The following ITGA6 variants were observed in gnomAD, a reference collection of about 807,000 sequenced individuals.
ITGA6 encodes integrin alpha-6.
In ITGA6, 63 loss-of-function variants were observed where a neutral mutation model predicts 133.6. The observed-to-expected ratio is 0.47, with a 90% confidence interval of 0.38 to 0.58. The LOEUF is 0.58. ITGA6 is among the 20% of genes least tolerant of loss of function. The pLI is 0.00. For synonymous variants in ITGA6, 434 were observed against 482.0 expected, an observed-to-expected ratio of 0.90 and a Z score of 1.30; for missense variants, 1,068 against 1,309.4, an observed-to-expected ratio of 0.82 and a Z score of 2.85.
chr2:172,428,667 A>G (rs1683980311), intron 1 of ITGA6: 1 of 151,764 alleles, frequency 6.6e-6, no homozygotes, highest in African/African-American at 2.4e-5. Context: ...ACTCGGCCGC[A>G]CCCGAGACCC....
At chr2:172,466,190 A>G (rs1397326703) in intron 2 of ITGA6, among the ~76,000 whole-genome samples, 1 of 152,212 alleles carries the variant, frequency 6.6e-6, no homozygotes, top group African/African-American at 2.4e-5. Context: ...CATCCAGTGT[A>G]CCTGGCTTCT....
chr2:172,499,324 C>T (rs1687256541), intron 24 of ITGA6, among the ~76,000 whole-genome samples: 2 of 151,858 alleles, frequency 1.3e-5, no homozygotes, highest in African/African-American at 4.8e-5. Flanking sequence ...CACACACAGC[C>T]AGTCAATATA....
rs578228064 is a variant in ITGA6 at position 172,473,672 on chromosome 2, G to A, written c.776-383G>A. On this transcript the variant is annotated intron_variant, in intron 5 of 25. Coordinates refer to ENST00000684293, the MANE Select transcript of ITGA6 (RefSeq NM_000210.4). ...CTTCCAGTCAGGTTATATATTCTCT[G>A]TGTATATGATGTAACATAACCAAAT... Among the ~76,000 whole-genome samples the A allele has an allele frequency of 3.3e-5, 5 of 152,250 alleles. 1 individual carries two copies. In the South Asian group the frequency reaches 1.0e-3, roughly 32 times the overall value.
At chr2:172,456,226 T>G (rs537208160) in intron 1 of ITGA6, among the ~76,000 whole-genome samples, 18 of 152,300 alleles carry the variant, frequency 1.2e-4, no homozygotes, top group South Asian at 1.0e-3. Context: ...GAGGGACTCT[T>G]ACAAGGCCAG....
intron 20 of ITGA6, 42 bp downstream of exon 20, chr2:172,489,700 T>C (rs929409745): frequency 2.6e-6 from 4 of 1,526,264 alleles, no homozygotes; most frequent in Middle Eastern, 1.7e-4. Context: ...AAATGCAAAT[T>C]AGAGAAACTA....
intron 13 of ITGA6, 102 bp from the exon 14 acceptor site, chr2:172,486,921 T>A: frequency 1.4e-6 from 1 of 728,988 alleles, no homozygotes; most frequent in Non-Finnish European, 2.5e-6. Context: ...TTGGTAATTG[T>A]CACACAGGGA....
At position 172,481,363 on chromosome 2, in the gene ITGA6, C is replaced by T. The variant is rs116646115; in HGVS notation, c.1549+1312C>T. The stretch of plus-strand genomic sequence containing the variant: ...TAGGGTTTGCAATGGTGAATCCTCT[C>T]ACACGTCACAGCTCTGTTCTTAGCT... On this transcript the variant is annotated intron_variant, in intron 11 of 25. Coordinates refer to ENST00000684293, the MANE Select transcript of ITGA6 (RefSeq NM_000210.4). Among the ~76,000 whole-genome samples the T allele has an allele frequency of 2.7e-3, 411 of 152,296 alleles. 3 individuals carry two copies. Among genetic ancestry groups the T allele is most frequent in the African/African-American group, 9.5e-3 (393 of 41,566 alleles).
chr2:172,478,780 G>A (rs914246307), intron 9 of ITGA6, among the ~76,000 whole-genome samples: 5 of 152,150 alleles, frequency 3.3e-5, no homozygotes, highest in Admixed American at 3.3e-4. Flanking sequence ...CTGGCAATAG[G>A]AAGGCAAAGA....
intron 11 of ITGA6, among the ~76,000 whole-genome samples, chr2:172,484,265 TAA>T (rs1686569461): frequency 1.3e-5 from 2 of 152,386 alleles, no homozygotes; most frequent in South Asian, 4.1e-4. Context: ...CTGTTATTAA[TAA>T]AGCAGATTCT....
At chr2:172,470,269 A>G (rs745509703) in intron 4 of ITGA6, among the ~76,000 whole-genome samples, 27 of 152,178 alleles carry the variant, frequency 1.8e-4, no homozygotes, top group Non-Finnish European at 3.7e-4. Context: ...CCACCCCAAC[A>G]GAATCTTCAT....
At chr2:172,475,266 G>A (rs748554990) in intron 7 of ITGA6, 144 bp downstream of exon 7, 41 of 680,178 alleles carry the variant, frequency 6.0e-5, no homozygotes, top group Middle Eastern at 3.9e-4. Context: ...TCGGGAGTTC[G>A]AGACCAGCCT....
chr2:172,429,731 C>G (rs1012444389), intron 1 of ITGA6, among the ~76,000 whole-genome samples: 7 of 152,302 alleles, frequency 4.6e-5, no homozygotes, highest in African/African-American at 7.2e-5. Flanking sequence ...TCTAGGAAAG[C>G]TCTTCTTAGC....
intron 16 of ITGA6, 22 bp from the exon 17 acceptor site, chr2:172,487,706 A>G: frequency 6.2e-7 from 1 of 1,601,540 alleles, no homozygotes; most frequent in Non-Finnish European, 8.6e-7. Context: ...GCCTGTGTTA[A>G]CAGCTATTTA....
chr2:172,429,133 A>G (rs939632984), intron 1 of ITGA6, among the ~76,000 whole-genome samples: 5 of 151,974 alleles, frequency 3.3e-5, no homozygotes, highest in African/African-American at 1.2e-4. Context: ...GCGGTTAACA[A>G]CTTTGGAATT....
intron 1 of ITGA6, 54 bp downstream of exon 1, chr2:172,428,024 T>A: frequency 6.4e-7 from 1 of 1,562,750 alleles, no homozygotes. Flanking sequence ...GCGCGCGAGT[T>A]GAGGCGAGGG....
intron 1 of ITGA6, among the ~76,000 whole-genome samples, chr2:172,459,440 G>A (rs543474104): frequency 5.3e-5 from 8 of 152,296 alleles, no homozygotes; most frequent in African/African-American, 1.9e-4. Flanking sequence ...GGAGGCAAAG[G>A]TTGCAGTAGG....
intron 1 of ITGA6, among the ~76,000 whole-genome samples, chr2:172,446,590 T>A (rs1335333619): frequency 6.6e-6 from 1 of 152,256 alleles, no homozygotes; most frequent in East Asian, 1.9e-4. Flanking sequence ...GTGTACAGTT[T>A]CCTAGACTTG....
intron 1 of ITGA6, among the ~76,000 whole-genome samples, chr2:172,443,395 C>T (rs1031584155): frequency 1.1e-4 from 16 of 152,078 alleles, no homozygotes; most frequent in Non-Finnish European, 1.9e-4. Flanking sequence ...TTTATGCTTC[C>T]CTCATTTCAC....
At position 172,505,729 on chromosome 2, in the gene ITGA6, C is replaced by CTTTTT. The variant is rs1000484660; in HGVS notation, c.*1663_*1667dup. ...TAGTGCCACTGTTGTTTTGGGGGGG[C>CTTTTT]TTTTTTCTTTTCGGAAATCTTAAAC... On this transcript the variant is annotated 3_prime_UTR_variant, in exon 26 of 26. Coordinates refer to ENST00000684293, the MANE Select transcript of ITGA6 (RefSeq NM_000210.4). The CTTTTT allele has an allele frequency of 5.3e-5, 8 of 152,120 alleles. No individual in the cohort carries two copies. The highest frequency in any genetic ancestry group is 1.9e-4 in the African/African-American group (8 of 41,316). The allele number at this position is 152,120 out of a possible 1,614,324, so 9.4% of individuals were successfully genotyped here. A position where few individuals can be genotyped will look rare whatever the true frequency, so the allele number is the denominator to read the frequency against.
Sources: gnomAD v4.1 joint callset for allele counts (sites outside exome capture counted in the v4.1 genomes callset) on GRCh38, gnomAD v4.1.1 for gene constraint, MANE v1.5 for transcripts, NCBI Gene and HGNC (gene_info 2026-07-23, HGNC 2026-07-21) for gene names.